Variants in RFC3 observed in about 807,000 individuals in gnomAD.
RFC3 encodes A1 38 kDa subunit.
A neutral mutation model predicts 45.1 loss-of-function variants in RFC3; 41 were observed. That is an observed-to-expected ratio of 0.91 (90% confidence interval 0.71 to 1.18). RFC3 has a LOEUF of 1.18. RFC3 is among the 50% of genes most tolerant of loss of function. The probability of loss-of-function intolerance (pLI) is 0.00; values close to 1 mark genes in which losing one functional copy is unlikely to be tolerated. For synonymous variants in RFC3, 149 were observed against 144.0 expected, an observed-to-expected ratio of 1.03 and a Z score of -0.25; for missense variants, 423 against 428.1, an observed-to-expected ratio of 0.99 and a Z score of 0.10.
chr13:33,916,742 GTA>G (rs1309926104), intron 8 of RFC3, among the ~76,000 whole-genome samples: 1 of 152,114 alleles, frequency 6.6e-6, no homozygotes, highest in Non-Finnish European at 1.5e-5. Context: ...ACATAGGTGT[GTA>G]TGTGTGTACA....
chr13:33,945,849 C>T (rs1230178371), intron 8 of RFC3, among the ~76,000 whole-genome samples: 1 of 152,230 alleles, frequency 6.6e-6, no homozygotes, highest in African/African-American at 2.4e-5. Context: ...GCAAACACCA[C>T]ATTTGTATCC....
intron 8 of RFC3, among the ~76,000 whole-genome samples, chr13:33,898,735 G>A (rs7320185): frequency 0.11 from 17,329 of 151,366 alleles, 2,019 homozygotes; most frequent in African/African-American, 0.3. Context: ...TTTGAACAAT[G>A]GAATCAGCGA....
At chr13:33,943,654 G>C (rs1317188913) in intron 8 of RFC3, among the ~76,000 whole-genome samples, 1 of 152,160 alleles carries the variant, frequency 6.6e-6, no homozygotes, top group African/African-American at 2.4e-5. Context: ...GGATGGGGCT[G>C]AAATTCCATC....
At chr13:33,824,826 G>A (rs139335667) in intron 3 of RFC3, among the ~76,000 whole-genome samples, 88 of 152,172 alleles carry the variant, frequency 5.8e-4, no homozygotes, top group Non-Finnish European at 9.4e-4. Flanking sequence ...TTTTCTCTAG[G>A]CATCTCAAAG....
chr13:33,970,831 A>G (rs1002619120), downstream of RFC3, among the ~76,000 whole-genome samples: 2 of 152,218 alleles, frequency 1.3e-5, no homozygotes, highest in Non-Finnish European at 2.9e-5. Flanking sequence ...GTGGAAGTTA[A>G]TACTTGACAC....
Position 33,818,283 on chromosome 13 carries a change from G to A in RFC3, c.87+18G>A, listed in dbSNP as rs1436162997. ...GGAACCTGGTGAGTCTGCGGGGGCCGGGAGCGTGGGAGAGGGGAGGCCCCC... is the reference window on the plus strand; with the variant it reads ...GGAACCTGGTGAGTCTGCGGGGGCCAGGAGCGTGGGAGAGGGGAGGCCCCC... On this transcript the variant is annotated intron_variant, in intron 1 of 8. Coordinates refer to ENST00000380071, the MANE Select transcript of RFC3 (RefSeq NM_002915.4). The A allele has an allele frequency of 4.4e-6, 7 of 1,608,366 alleles. No individual in the cohort carries two copies. Among genetic ancestry groups the A allele is most frequent in the Non-Finnish European group, 6.0e-6 (7 of 1,175,956 alleles).
chr13:33,938,434 A>G (rs1184300475), intron 8 of RFC3, among the ~76,000 whole-genome samples: 1 of 152,106 alleles, frequency 6.6e-6, no homozygotes, highest in Admixed American at 6.6e-5. Context: ...CAAAGTAAAA[A>G]CCATGAAGAA....
At chr13:33,970,574 G>A (rs919035617), downstream of RFC3, among the ~76,000 whole-genome samples, 1 of 152,236 alleles carries the variant, frequency 6.6e-6, no homozygotes, top group African/African-American at 2.4e-5. Context: ...AACAGATGCT[G>A]AGACAAGAAT....
intron 7 of RFC3, among the ~76,000 whole-genome samples, chr13:33,832,277 G>A (rs3135613): frequency 6.6e-6 from 1 of 151,966 alleles, no homozygotes; most frequent in Admixed American, 6.6e-5. Context: ...CCTTACAGAG[G>A]GTAGTTGATC....
chr13:33,928,156 T>G (rs1010576105), intron 8 of RFC3, among the ~76,000 whole-genome samples: 1 of 152,068 alleles, frequency 6.6e-6, no homozygotes, highest in African/African-American at 2.4e-5. Context: ...AGTGTCAGGA[T>G]CGTGGGCTTA....
At chr13:33,835,529 G>T in intron 8 of RFC3, 3 of 521,332 alleles carry the variant, frequency 5.8e-6, no homozygotes, top group South Asian at 1.6e-5. Context: ...GGAGGGTGGG[G>T]CTACAAAGAA....
chr13:33,870,955 T>A (rs2082403535), intron 8 of RFC3, among the ~76,000 whole-genome samples: 1 of 152,160 alleles, frequency 6.6e-6, no homozygotes, highest in Non-Finnish European at 1.5e-5. Context: ...GGATATTGAT[T>A]TAAGTGTCTC....
chr13:33,840,233 T>C (rs1039505314), downstream of RFC3, among the ~76,000 whole-genome samples: 1 of 152,220 alleles, frequency 6.6e-6, no homozygotes, highest in African/African-American at 2.4e-5. Flanking sequence ...CATCGTTATT[T>C]GGTAGTGTTG....
downstream of RFC3, among the ~76,000 whole-genome samples, chr13:33,838,729 CAG>C (rs2082176095): frequency 6.6e-6 from 1 of 152,114 alleles, no homozygotes; most frequent in African/African-American, 2.4e-5. Context: ...TGGCTCCACT[CAG>C]AGTCAGTTTC....
intron 8 of RFC3, among the ~76,000 whole-genome samples, chr13:33,963,197 T>C (rs1267331381): frequency 6.6e-6 from 1 of 151,932 alleles, no homozygotes; most frequent in East Asian, 1.9e-4. Flanking sequence ...TAAATTGACA[T>C]AAAGTTTGCA....
chr13:33,956,700 G>A (rs2083024087), intron 8 of RFC3, among the ~76,000 whole-genome samples: 1 of 152,182 alleles, frequency 6.6e-6, no homozygotes, highest in Non-Finnish European at 1.5e-5. Context: ...TGTGAAGCTG[G>A]GTAAAGCACT....
At chr13:33,868,358 CACTT>C (rs2082386885) in intron 8 of RFC3, among the ~76,000 whole-genome samples, 1 of 152,150 alleles carries the variant, frequency 6.6e-6, no homozygotes, top group Non-Finnish European at 1.5e-5. Flanking sequence ...GGCTGATTCA[CACTT>C]ACTTCCTAGA....
At chr13:33,971,573 C>T in the RFC3 span, among the ~76,000 whole-genome samples, 4 of 152,172 alleles carry the variant, frequency 2.6e-5, no homozygotes, top group Admixed American at 2.0e-4. Flanking sequence ...TAAGAGCAGC[C>T]ATAGGCTATA....
chr13:33,882,297 T>C (rs1045254564), intron 8 of RFC3, among the ~76,000 whole-genome samples: 8 of 152,230 alleles, frequency 5.3e-5, no homozygotes, highest in African/African-American at 1.9e-4. Context: ...GGGGGTTATA[T>C]AGTTCTGTAA....
Sources: gnomAD v4.1 joint callset for allele counts (sites outside exome capture counted in the v4.1 genomes callset) on GRCh38, gnomAD v4.1.1 for gene constraint, MANE v1.5 for transcripts, NCBI Gene and HGNC (gene_info 2026-07-23, HGNC 2026-07-21) for gene names.